TJP1: variants seen among roughly 807,000 people sequenced by gnomAD.
TJP1 encodes tight junction protein ZO-1.
In TJP1, 43 loss-of-function variants were observed where a neutral mutation model predicts 194.2. That is an observed-to-expected ratio of 0.22 (90% CI 0.17 to 0.29). The LOEUF (loss-of-function observed/expected upper bound fraction) is 0.29, where lower values mean the gene tolerates loss of function less well. Ranked by LOEUF, TJP1 falls within the 10% of genes least tolerant of loss-of-function variation. The probability of loss-of-function intolerance (pLI) is 1.00; values close to 1 mark genes in which losing one functional copy is unlikely to be tolerated. For missense variants in TJP1, 1,971 were observed against 2,185.7 expected (o/e 0.90, Z 1.96); for synonymous variants, 801 against 779.0 (o/e 1.03, Z -0.47).
chr15:29,701,906 A>T (rs554797844), intron 27 of TJP1, among the ~76,000 whole-genome samples: 4 of 152,208 alleles, frequency 2.6e-5, no homozygotes, highest in South Asian at 2.1e-4. Flanking sequence ...AATTTTTTTT[A>T]AAACGTTCTT....
upstream of TJP1, among the ~76,000 whole-genome samples, chr15:29,826,447 C>G (rs2050678983): frequency 6.6e-6 from 1 of 152,194 alleles, no homozygotes; most frequent in South Asian, 2.1e-4. Context: ...TCCTATGATT[C>G]CTTTAAGACT....
intron 1 of TJP1, among the ~76,000 whole-genome samples, chr15:29,964,156 C>T (rs1345392270): frequency 6.6e-6 from 1 of 152,126 alleles, no homozygotes; most frequent in East Asian, 1.9e-4. Context: ...TTAAAGATCT[C>T]CAGATGAGAT....
At chr15:29,963,252 C>G (rs891552922) in intron 1 of TJP1, among the ~76,000 whole-genome samples, 1 of 152,148 alleles carries the variant, frequency 6.6e-6, no homozygotes, top group Non-Finnish European at 1.5e-5. Context: ...GAGAAACAAC[C>G]TTCTATCGGG....
intron 8 of TJP1, among the ~76,000 whole-genome samples, chr15:29,755,399 T>A (rs538744913): frequency 3.3e-5 from 5 of 152,332 alleles, no homozygotes; most frequent in African/African-American, 9.6e-5. Flanking sequence ...TGGAGTGGAT[T>A]GTATAGATAA....
Position 29,812,830 on chromosome 15 carries a change from A to G in TJP1, c.27+9172T>C, listed in dbSNP as rs566205762. On this transcript the variant is annotated intron_variant, in intron 1 of 27. Coordinates refer to ENST00000614355, the MANE Select transcript of TJP1 (RefSeq NM_001330239.4). Reference sequence around the variant, plus strand: ...CTGTCACAGAGTCAGCATGCAATATAAGGGGCTACTGTTTGTTTTGACACA... The same window carrying G: ...CTGTCACAGAGTCAGCATGCAATATGAGGGGCTACTGTTTGTTTTGACACA... Among the ~76,000 whole-genome samples the G allele has an allele frequency of 7.2e-5, 11 of 152,340 alleles. No individual in the cohort carries two copies. In the East Asian group the frequency reaches 2.1e-3, roughly 29 times the overall value.
At chr15:29,881,896 T>C (rs939907516) in intron 2 of TJP1, among the ~76,000 whole-genome samples, 1 of 151,938 alleles carries the variant, frequency 6.6e-6, no homozygotes, top group Non-Finnish European at 1.5e-5. Context: ...AGGATGTTTA[T>C]TTGCAAAGAG....
chr15:29,800,820 G>T, intron 1 of TJP1, 118 bp from the exon 2 acceptor site: 1 of 949,664 alleles, frequency 1.1e-6, no homozygotes. Context: ...GTTAATATTA[G>T]AGACACTCTG....
intron 2 of TJP1, among the ~76,000 whole-genome samples, chr15:29,856,752 T>C (rs1157367173): frequency 4.0e-5 from 6 of 151,606 alleles, no homozygotes; most frequent in African/African-American, 1.2e-4. Context: ...GGCGGGCAGA[T>C]CACGAGGTCA....
chr15:29,868,644 C>T (rs1350633131), intron 2 of TJP1, among the ~76,000 whole-genome samples: 3 of 152,088 alleles, frequency 2.0e-5, no homozygotes, highest in South Asian at 2.1e-4. Context: ...TCATGAATGG[C>T]GCTGGTATCC....
intron 2 of TJP1, among the ~76,000 whole-genome samples, chr15:29,864,830 TACTC>T (rs1204965277): frequency 6.6e-6 from 1 of 152,200 alleles, no homozygotes; most frequent in African/African-American, 2.4e-5. Flanking sequence ...TTCTTGGCCT[TACTC>T]AGTACTGAGG....
intron 1 of TJP1, among the ~76,000 whole-genome samples, chr15:29,803,847 A>G (rs2048942757): frequency 6.6e-6 from 1 of 152,114 alleles, no homozygotes; most frequent in African/African-American, 2.4e-5. Flanking sequence ...GGAAAAGTCC[A>G]CATCTCAAAA....
chr15:29,789,131 C>T (rs866737019), intron 2 of TJP1, among the ~76,000 whole-genome samples: 1 of 151,342 alleles, frequency 6.6e-6, no homozygotes, highest in East Asian at 1.9e-4. Context: ...TTTTTTTTTA[C>T]AGTTTTTAAT....
chr15:29,860,013 C>G (rs1039936088), intron 2 of TJP1, among the ~76,000 whole-genome samples: 9 of 151,948 alleles, frequency 5.9e-5, no homozygotes, highest in Non-Finnish European at 8.8e-5. Context: ...GGTTCAAAGC[C>G]ACTTCCTCAA....
intron 2 of TJP1, among the ~76,000 whole-genome samples, chr15:29,862,462 CA>C (rs1031275065): frequency 2.7e-5 from 4 of 149,362 alleles, no homozygotes; most frequent in East Asian, 2.0e-4. Flanking sequence ...GCAAAACAAA[CA>C]AAAAAAAACC....
chr15:29,743,555 A>C (rs2044566126), intron 8 of TJP1, among the ~76,000 whole-genome samples: 2 of 151,994 alleles, frequency 1.3e-5, no homozygotes, highest in African/African-American at 4.8e-5. Context: ...CAAATTCCAT[A>C]CTCTGTAAAA....
At chr15:29,801,436 T>A (rs889954650) in intron 1 of TJP1, among the ~76,000 whole-genome samples, 4 of 151,580 alleles carry the variant, frequency 2.6e-5, no homozygotes, top group Non-Finnish European at 5.9e-5. Flanking sequence ...GTCATGAGCC[T>A]CTCAATAGAG....
Position 29,704,218 on chromosome 15 carries a change from G to T in TJP1, c.5156C>A (p.Ala1719Glu). 2 of 1,589,564 alleles carry T rather than the reference G, an allele frequency of 1.3e-6. No individual in the cohort carries two copies. The highest frequency in any genetic ancestry group is 1.7e-6 in the Non-Finnish European group (2 of 1,167,746). ...AGACCAACCGTCAGGAGTCATGGACGCACAGTGTGGTAAGCGCAGCTCCAC... is the reference window on the plus strand; with the variant it reads ...AGACCAACCGTCAGGAGTCATGGACTCACAGTGTGGTAAGCGCAGCTCCAC... Reference protein sequence around the residue: ...KPVELRLPHCASMTPDGWSFA... With the variant: ...KPVELRLPHCESMTPDGWSFA... Residue 1719 changes from alanine (A) to glutamate (E), a missense_variant, in exon 27 of 28, where the codon GCG becomes GAG. This residue lies in a region of TJP1 where 1,108 missense variants were observed against 1,128.5 expected (regional missense o/e 0.98). Coordinates refer to ENST00000614355, the MANE Select transcript of TJP1 (RefSeq NM_001330239.4).
At chr15:29,876,248 G>A (rs997279953) in intron 2 of TJP1, among the ~76,000 whole-genome samples, 1 of 152,150 alleles carries the variant, frequency 6.6e-6, no homozygotes, top group African/African-American at 2.4e-5. Context: ...GGCCGGGTGT[G>A]GTGGCTCATG....
chr15:29,779,876 G>A (rs1195320042), intron 2 of TJP1, among the ~76,000 whole-genome samples: 1 of 151,952 alleles, frequency 6.6e-6, no homozygotes, highest in Admixed American at 6.6e-5. Context: ...AGTGCAAAAT[G>A]CAACGAGGAG....
Sources: allele counts gnomAD v4.1 joint callset (sites outside exome capture counted in the v4.1 genomes callset), GRCh38; gene constraint gnomAD v4.1.1; regional missense constraint gnomAD v4.1.1; transcripts MANE v1.5; gene names NCBI Gene and HGNC (gene_info 2026-07-23, HGNC 2026-07-21).